The following NRXN3 variants were observed in gnomAD, a reference collection of about 807,000 sequenced individuals.
NRXN3 encodes the protein neurexin III.
NRXN3 carries 32 observed loss-of-function variants against 137.6 expected under a neutral mutation model. The ratio of observed to expected loss-of-function variants is 0.23; its 90% CI spans 0.18 to 0.31. The LOEUF is 0.31. NRXN3 is among the 10% of genes least tolerant of loss of function. NRXN3 has a pLI of 1.00. For synonymous variants in NRXN3, 798 were observed against 784.5 expected, an observed-to-expected ratio of 1.02 and a Z score of -0.29; for missense variants, 1,574 against 2,062.5, an observed-to-expected ratio of 0.76 and a Z score of 4.59.
chr14:79,414,128 G>A (rs1272261135), intron 15 of NRXN3, among the ~76,000 whole-genome samples: 2 of 152,164 alleles, frequency 1.3e-5, no homozygotes, highest in African/African-American at 4.8e-5. Flanking sequence ...GGGGCGGCAG[G>A]GGGTCATTGA....
chr14:79,592,228 T>C (rs1199665251), intron 16 of NRXN3, among the ~76,000 whole-genome samples: 1 of 152,242 alleles, frequency 6.6e-6, no homozygotes, highest in Non-Finnish European at 1.5e-5. Flanking sequence ...TTTCTGAGAC[T>C]CAGCGGATTG....
intron 1 of NRXN3, among the ~76,000 whole-genome samples, chr14:78,224,596 G>T (rs2064265646): frequency 6.6e-6 from 1 of 151,968 alleles, no homozygotes; most frequent in Admixed American, 6.6e-5. Flanking sequence ...CCCTTCAAAG[G>T]ACATGAACTC....
At chr14:78,675,949 C>T (rs997788306) in intron 6 of NRXN3, among the ~76,000 whole-genome samples, 17 of 152,054 alleles carry the variant, frequency 1.1e-4, no homozygotes, top group East Asian at 3.9e-4. Context: ...TAGTTATCTT[C>T]GATGTTACTA....
intron 4 of NRXN3, among the ~76,000 whole-genome samples, chr14:78,447,301 G>A (rs1308696395): frequency 6.6e-6 from 1 of 152,230 alleles, no homozygotes; most frequent in African/African-American, 2.4e-5. Context: ...TGCATAGTAT[G>A]ATTATGCTGC....
At chr14:78,358,548 GT>G (rs1282069351) in intron 4 of NRXN3, among the ~76,000 whole-genome samples, 1 of 152,194 alleles carries the variant, frequency 6.6e-6, no homozygotes, top group Non-Finnish European at 1.5e-5. Context: ...TCCAATGCAT[GT>G]TGAGTCTAAG....
At chr14:79,811,674 T>C (rs1285382347) in intron 20 of NRXN3, among the ~76,000 whole-genome samples, 1 of 150,224 alleles carries the variant, frequency 6.7e-6, no homozygotes, top group Non-Finnish European at 1.5e-5. Flanking sequence ...CTCCGCCTCG[T>C]GGGTTCACGC....
chr14:78,867,890 A>G (rs1258275690), intron 10 of NRXN3, among the ~76,000 whole-genome samples: 5 of 151,326 alleles, frequency 3.3e-5, no homozygotes, highest in African/African-American at 1.2e-4. Context: ...TAAGTTTTAT[A>G]TAAATAAATA....
chr14:78,300,649 C>T, intron 4 of NRXN3: 1 of 1,526,054 alleles, frequency 6.6e-7, no homozygotes, highest in South Asian at 1.2e-5. Flanking sequence ...CACCATGCTT[C>T]CTCTACTTAA....
intron 4 of NRXN3, among the ~76,000 whole-genome samples, chr14:78,322,092 T>A (rs918116304): frequency 2.3e-4 from 35 of 152,036 alleles, no homozygotes; most frequent in African/African-American, 8.0e-4. Flanking sequence ...CCCTTTTTTT[T>A]TAATCAGCTC....
chr14:78,883,383 G>A (rs1351174952), intron 10 of NRXN3, among the ~76,000 whole-genome samples: 1 of 152,140 alleles, frequency 6.6e-6, no homozygotes. Flanking sequence ...GAGAATAAAT[G>A]AATTATAGAG....
intron 10 of NRXN3, among the ~76,000 whole-genome samples, chr14:78,874,475 T>G (rs1329348890): frequency 6.6e-6 from 1 of 152,208 alleles, no homozygotes; most frequent in Non-Finnish European, 1.5e-5. Context: ...TTCATCATGA[T>G]GTCTCAGGGA....
chr14:79,293,034 A>G (rs911748740), intron 15 of NRXN3, among the ~76,000 whole-genome samples: 2 of 152,158 alleles, frequency 1.3e-5, no homozygotes, highest in Non-Finnish European at 2.9e-5. Flanking sequence ...CCTTATACAG[A>G]CAACCCCCTT....
intron 4 of NRXN3, among the ~76,000 whole-genome samples, chr14:78,443,165 C>A (rs1056968582): frequency 6.6e-6 from 1 of 152,226 alleles, no homozygotes; most frequent in South Asian, 2.1e-4. Context: ...TATCCTTTGC[C>A]TGAGCTAGGG....
intron 19 of NRXN3, among the ~76,000 whole-genome samples, chr14:79,793,293 GC>G (rs1314903384): frequency 6.6e-6 from 1 of 151,988 alleles, no homozygotes; most frequent in Non-Finnish European, 1.5e-5. Context: ...AATCAGCCGG[GC>G]GCCCCAGCTA....
chr14:78,466,695 C>G (rs2095117074), intron 4 of NRXN3, among the ~76,000 whole-genome samples: 1 of 152,182 alleles, frequency 6.6e-6, no homozygotes, highest in Non-Finnish European at 1.5e-5. Flanking sequence ...CCTTTGGCAC[C>G]AGACAGACCT....
intron 15 of NRXN3, among the ~76,000 whole-genome samples, chr14:78,991,625 T>C (rs2099519068): frequency 6.6e-6 from 1 of 152,204 alleles, no homozygotes; most frequent in Non-Finnish European, 1.5e-5. Context: ...AGCTAGGTCT[T>C]ATATTTTCCA....
chr14:79,615,621 G>A lies in NRXN3; in HGVS notation c.3445-48157G>A, dbSNP rs537333003. On this transcript the variant is annotated intron_variant, in intron 16 of 20. Coordinates refer to ENST00000335750, the MANE Select transcript of NRXN3 (RefSeq NM_001330195.2). ...AGGCCTCAGGAAACTTACAATCATG[G>A]TGGAAGGGGAAACAAACACATCCTT... Among the ~76,000 whole-genome samples the A allele has an allele frequency of 9.2e-5, 14 of 152,270 alleles. No homozygotes were observed. In the Middle Eastern group the frequency reaches 0.014, roughly 148 times the overall value.
At chr14:78,819,000 C>T (rs2098942789) in intron 10 of NRXN3, among the ~76,000 whole-genome samples, 1 of 152,066 alleles carries the variant, frequency 6.6e-6, no homozygotes, top group Non-Finnish European at 1.5e-5. Flanking sequence ...GTGCATTTCT[C>T]ATGATGGGGC....
intron 4 of NRXN3, among the ~76,000 whole-genome samples, chr14:78,339,059 A>C (rs1177014673): frequency 6.6e-6 from 1 of 152,150 alleles, no homozygotes; most frequent in Non-Finnish European, 1.5e-5. Context: ...TGGTCAAACA[A>C]GTTGCTCTTC....
Sources: allele counts gnomAD v4.1 joint callset (sites outside exome capture counted in the v4.1 genomes callset), GRCh38; gene constraint gnomAD v4.1.1; transcripts MANE v1.5; gene names NCBI Gene and HGNC (gene_info 2026-07-23, HGNC 2026-07-21).